The following CDK6 variants were observed in gnomAD, a reference collection of about 807,000 sequenced individuals.
CDK6 encodes the protein cyclin dependent kinase 6, also known as cyclin-dependent kinase 6.
Under a neutral mutation model 37.1 loss-of-function variants are expected in CDK6, and 6 were observed. The ratio of observed to expected loss-of-function variants is 0.16; its 90% CI spans 0.09 to 0.32. CDK6 has a LOEUF of 0.32. Among genes scored for constraint, CDK6 ranks in the 10% least tolerant of loss-of-function variants. CDK6 has a pLI of 1.00. For synonymous variants in CDK6, 160 were observed against 161.3 expected, an observed-to-expected ratio of 0.99 and a Z score of 0.06; for missense variants, 224 against 418.9, an observed-to-expected ratio of 0.53 and a Z score of 4.06.
chr7:92,824,624 ACCTAG>A (rs1414209721), intron 2 of CDK6, among the ~76,000 whole-genome samples: 1 of 152,160 alleles, frequency 6.6e-6, no homozygotes, highest in African/African-American at 2.4e-5. Context: ...TTTCAGAAGT[ACCTAG>A]CTCCATTCAT....
intron 4 of CDK6, among the ~76,000 whole-genome samples, chr7:92,709,511 G>C (rs1046231477): frequency 1.6e-4 from 25 of 151,774 alleles, no homozygotes; most frequent in African/African-American, 6.0e-4. Flanking sequence ...GAGTTGTAGA[G>C]GCAACTTCAG....
chr7:92,794,414 C>G (rs1800355287), intron 2 of CDK6, among the ~76,000 whole-genome samples: 1 of 152,074 alleles, frequency 6.6e-6, no homozygotes, highest in South Asian at 2.1e-4. Flanking sequence ...ACACTGCATA[C>G]CCCATCCCAT....
intron 4 of CDK6, among the ~76,000 whole-genome samples, chr7:92,694,257 T>C (rs1473557220): frequency 2.0e-5 from 3 of 152,232 alleles, no homozygotes; most frequent in Non-Finnish European, 1.5e-5. Context: ...AGTAATTTTA[T>C]ATTGTTAGGC....
chr7:92,768,585 T>C (rs1042580991), intron 3 of CDK6, among the ~76,000 whole-genome samples: 2 of 152,224 alleles, frequency 1.3e-5, no homozygotes, highest in Non-Finnish European at 2.9e-5. Flanking sequence ...ATTCAATTAG[T>C]GCAGCTATGA....
intron 5 of CDK6, among the ~76,000 whole-genome samples, chr7:92,669,167 A>G (rs1160616265): frequency 6.6e-6 from 1 of 152,218 alleles, no homozygotes; most frequent in Non-Finnish European, 1.5e-5. Flanking sequence ...GGATTGGAAC[A>G]TAGAATGAAT....
In CDK6 at chr7:92,664,486, C is replaced by T. The variant is rs1158062470; in HGVS notation, c.647+6940G>A. On this transcript the variant is annotated intron_variant, in intron 5 of 7. Transcript: ENST00000424848. ...CAGTGACATTTTAAAGACATTTGCT[C>T]ACTGACCACTGACCCACAAAGGACA... is the stretch of plus-strand genomic sequence containing the variant. Among the ~76,000 whole-genome samples, 6 of 152,196 alleles carry T rather than the reference C, an allele frequency of 3.9e-5. No homozygotes were observed. The South Asian group carries it at 1.0e-3, about 26-fold the overall frequency.
chr7:92,766,460 G>A (rs2115747097), intron 3 of CDK6, among the ~76,000 whole-genome samples: 1 of 152,332 alleles, frequency 6.6e-6, no homozygotes, highest in South Asian at 2.1e-4. Flanking sequence ...CTCGGTCAAT[G>A]TTTTACATGG....
chr7:92,812,421 A>ATT (rs34354863), intron 2 of CDK6, among the ~76,000 whole-genome samples: 1 of 144,330 alleles, frequency 6.9e-6, no homozygotes, highest in Non-Finnish European at 1.5e-5. Context: ...TTCTCATTCA[A>ATT]TTTTTTTTTT....
At chr7:92,671,071 G>C (rs1047185428) in intron 5 of CDK6, among the ~76,000 whole-genome samples, 14 of 151,776 alleles carry the variant, frequency 9.2e-5, no homozygotes, top group African/African-American at 3.4e-4. Context: ...AACAGCCTTG[G>C]TTCTCCTCCT....
chr7:92,797,502 C>T (rs1240059798), intron 2 of CDK6, among the ~76,000 whole-genome samples: 1 of 152,126 alleles, frequency 6.6e-6, no homozygotes, highest in Non-Finnish European at 1.5e-5. Context: ...CATTTAGTGC[C>T]AGGTGGATAC....
chr7:92,623,646 C>T (rs1307609719), intron 5 of CDK6, among the ~76,000 whole-genome samples: 1 of 152,098 alleles, frequency 6.6e-6, no homozygotes, highest in Non-Finnish European at 1.5e-5. Flanking sequence ...TAACTCTGGG[C>T]TTTAGAGGCA....
intron 3 of CDK6, among the ~76,000 whole-genome samples, chr7:92,754,442 G>GT (rs1412981061): frequency 1.3e-5 from 2 of 152,262 alleles, no homozygotes; most frequent in Non-Finnish European, 1.5e-5. Context: ...TTAAAACATG[G>GT]TAAGAAACCA....
Position 92,621,750 on chromosome 7 carries a change from T to C in CDK6, c.698+1286A>G, listed in dbSNP as rs138759571. Among the ~76,000 whole-genome samples the C allele has an allele frequency of 1.1e-4, 17 of 152,284 alleles. No individual in the cohort carries two copies. The East Asian group carries it at 2.7e-3, about 24-fold the overall frequency. ...AAGGCTTTGTGTTGAATTTATCCAC[T>C]GTACAGAGTGGTCAGTAGTAGGAGC... On this transcript the variant is annotated intron_variant, in intron 6 of 7. Coordinates refer to ENST00000424848, the MANE Select transcript of CDK6 (RefSeq NM_001145306.2).
At chr7:92,753,391 T>C (rs540474424) in intron 3 of CDK6, among the ~76,000 whole-genome samples, 4 of 152,278 alleles carry the variant, frequency 2.6e-5, no homozygotes, top group South Asian at 2.1e-4. Flanking sequence ...AAATTATAAA[T>C]ACCGAATGAG....
rs1182374310 is a variant in CDK6 at position 92,606,169 on chromosome 7, C to T, written c.*8971G>A. The T allele has an allele frequency of 4.3e-6, 1 of 233,384 alleles. No homozygotes were observed. The highest frequency in any genetic ancestry group is 8.5e-6 in the Non-Finnish European group (1 of 117,956). The allele number at this position is 233,384 out of a possible 1,614,324, so 14.5% of individuals were successfully genotyped here. ...TGGCCTGTAGATGGAGAGAAAACAG[C>T]AGCCTGGAATGTGGTTTATATTCTT... On this transcript the variant is annotated 3_prime_UTR_variant, in exon 8 of 8. Transcript: ENST00000424848.
At chr7:92,757,944 T>C (rs1799356489) in intron 3 of CDK6, among the ~76,000 whole-genome samples, 1 of 152,236 alleles carries the variant, frequency 6.6e-6, no homozygotes, top group South Asian at 2.1e-4. Context: ...GTTGACCACA[T>C]GTATATCATC....
Position 92,725,938 on chromosome 7 carries a change from C to T in CDK6, c.370-145G>A, listed in dbSNP as rs1798502140. The stretch of plus-strand genomic sequence containing the variant: ...GGTATTGGCTGAATGAGTGAATTGT[C>T]TCCCTTCCTGCCTTTCCACTCCCAC... On this transcript the variant is annotated intron_variant, in intron 3 of 7. Transcript: ENST00000424848. 3 of 645,312 alleles carry T rather than the reference C, an allele frequency of 4.6e-6. No homozygotes were observed. In the African/African-American group the frequency reaches 5.5e-5, roughly 12 times the overall value. The allele number at this position is 645,312 out of a possible 1,614,324, so 40.0% of individuals were successfully genotyped here. A position where few individuals can be genotyped will look rare whatever the true frequency, so the allele number is the denominator to read the frequency against.
intron 3 of CDK6, among the ~76,000 whole-genome samples, chr7:92,727,018 A>G (rs750353266): frequency 4.6e-5 from 7 of 152,206 alleles, no homozygotes; most frequent in African/African-American, 7.2e-5. Context: ...ATATAAACCA[A>G]TATCAGATCT....
chr7:92,664,396 AG>A (rs1796910610), intron 5 of CDK6, among the ~76,000 whole-genome samples: 2 of 152,144 alleles, frequency 1.3e-5, no homozygotes, highest in African/African-American at 4.8e-5. Flanking sequence ...GGATGTCACT[AG>A]GGAGGGTGCT....
Sources: gnomAD v4.1 joint callset for allele counts (sites outside exome capture counted in the v4.1 genomes callset) on GRCh38, gnomAD v4.1.1 for gene constraint, MANE v1.5 for transcripts, NCBI Gene and HGNC (gene_info 2026-07-23, HGNC 2026-07-21) for gene names.